RAB27B: variants seen among roughly 807,000 people sequenced by gnomAD.
The protein encoded by RAB27B is RAB27B, member RAS oncogene family.
A neutral mutation model predicts 24.6 loss-of-function variants in RAB27B; 15 were observed. That is an observed-to-expected ratio of 0.61 (90% CI 0.41 to 0.94). The LOEUF is 0.94. RAB27B is among the 40% of genes least tolerant of loss of function. The pLI, the probability that RAB27B is intolerant of heterozygous loss-of-function variation, is 0.00. For missense variants in RAB27B, 261 were observed against 266.8 expected, an observed-to-expected ratio of 0.98 and a Z score of 0.15; for synonymous variants, 105 against 92.5, an observed-to-expected ratio of 1.14 and a Z score of -0.78.
At chr18:54,772,220 G>A (rs1004123151) in intron 2 of RAB27B, among the ~76,000 whole-genome samples, 15 of 152,316 alleles carry the variant, frequency 9.8e-5, no homozygotes, top group African/African-American at 3.4e-4. Flanking sequence ...TGCCTGATGA[G>A]GTTTAGCCAA....
rs1599001748 is a variant in RAB27B, at chr18:54,890,581, T to C, written c.*1168T>C. On this transcript the variant is annotated 3_prime_UTR_variant, in exon 6 of 6. Transcript: ENST00000262094. ...GCAGAAATGCAGGTGTGTTACTTTG[T>C]TGATCAATAACTTTGGAACAATTAT... 6.6e-6 allele frequency: 1 copy of C among 152,190 alleles called. No homozygotes were observed. 9.4% of individuals were successfully genotyped at this position (152,190 alleles called of 1,614,324 possible).
In RAB27B at chr18:54,877,665, A is replaced by G. The variant is rs187131898; in HGVS notation, c.80A>G (p.Tyr27Cys). The stretch of plus-strand genomic sequence containing the variant: ...GGGGTGGGGAAGACAACATTTCTTT[A>G]TAGATACACAGATAATAAATTCAAT... ...DSGVGKTTFLYRYTDNKFNPK... is the reference protein window; with the variant it reads ...DSGVGKTTFLCRYTDNKFNPK... The change falls in exon 2 of 6, where the codon TAT becomes TGT. Residue 27 changes from tyrosine (Y) to cysteine (C), a missense_variant. Tyr to Cys is a radical substitution (Grantham distance 194, BLOSUM62 -2). Transcript: ENST00000262094. 1.9e-6 allele frequency: 3 copies of G among 1,597,232 alleles called. No individual in the cohort carries two copies.
intron 2 of RAB27B, among the ~76,000 whole-genome samples, chr18:54,731,498 A>T (rs959714390): frequency 6.6e-6 from 1 of 152,212 alleles, no homozygotes; most frequent in African/African-American, 2.4e-5. Context: ...AGGCGGGCAG[A>T]TCACCTGAGG....
intron 2 of RAB27B, among the ~76,000 whole-genome samples, chr18:54,782,338 G>A (rs575113616): frequency 6.6e-6 from 1 of 152,162 alleles, no homozygotes; most frequent in African/African-American, 2.4e-5. Context: ...CACAGACTTG[G>A]AAAATTTAAT....
At chr18:54,852,693 ATATAAT>A (rs1205914910) in intron 1 of RAB27B, among the ~76,000 whole-genome samples, 2 of 152,184 alleles carry the variant, frequency 1.3e-5, no homozygotes, top group Non-Finnish European at 2.9e-5. Context: ...AGTTGAAAGG[ATATAAT>A]TATAAGTTGT....
chr18:54,729,014 A>G (rs944763562), intron 2 of RAB27B, among the ~76,000 whole-genome samples: 1 of 147,700 alleles, frequency 6.8e-6, no homozygotes, highest in Non-Finnish European at 1.5e-5. Flanking sequence ...AACATGGGCT[A>G]TTTTTCACCT....
chr18:54,759,135 G>T (rs1439821625), intron 2 of RAB27B, among the ~76,000 whole-genome samples: 1 of 152,118 alleles, frequency 6.6e-6, no homozygotes, highest in East Asian at 1.9e-4. Flanking sequence ...AATACAGCCT[G>T]CAAAGTGGAA....
At chr18:54,777,660 CTG>C (rs1245863964) in intron 2 of RAB27B, among the ~76,000 whole-genome samples, 16 of 152,318 alleles carry the variant, frequency 1.1e-4, no homozygotes, top group African/African-American at 3.6e-4. Context: ...TTTAGGGTGA[CTG>C]TATTTAACAT....
chr18:54,766,784 G>A (rs1908376479), intron 2 of RAB27B, among the ~76,000 whole-genome samples: 1 of 152,168 alleles, frequency 6.6e-6, no homozygotes, highest in South Asian at 2.1e-4. Context: ...AACTCAGGTT[G>A]TTAGTTGTGA....
chr18:54,774,444 T>C (rs1235890833), intron 2 of RAB27B, among the ~76,000 whole-genome samples: 1 of 152,188 alleles, frequency 6.6e-6, no homozygotes. Context: ...CTGACTCAGG[T>C]TACATGGTTT....
intron 2 of RAB27B, among the ~76,000 whole-genome samples, chr18:54,816,140 ACTG>A (rs1910113946): frequency 1.3e-5 from 2 of 152,236 alleles, no homozygotes; most frequent in African/African-American, 4.8e-5. Flanking sequence ...TTCTGGAGTT[ACTG>A]TGAAATGTAG....
chr18:54,815,480 G>C (rs1229855032), intron 2 of RAB27B, among the ~76,000 whole-genome samples: 1 of 152,176 alleles, frequency 6.6e-6, no homozygotes, highest in African/African-American at 2.4e-5. Flanking sequence ...ACTCCTGGGA[G>C]ATACAGTCTC....
intron 4 of RAB27B, among the ~76,000 whole-genome samples, chr18:54,886,484 ACT>A (rs1445589190): frequency 6.6e-6 from 1 of 151,148 alleles, no homozygotes; most frequent in East Asian, 1.9e-4. Flanking sequence ...ATATAGAACC[ACT>A]CTCGGTGTGG....
intron 3 of RAB27B, among the ~76,000 whole-genome samples, chr18:54,883,976 T>C (rs1210348258): frequency 2.0e-5 from 3 of 152,122 alleles, no homozygotes; most frequent in Admixed American, 6.6e-5. Context: ...ATGGAAAGTA[T>C]AGGTTAAAGT....
chr18:54,793,350 A>C (rs1909313563), intron 2 of RAB27B, among the ~76,000 whole-genome samples: 1 of 152,130 alleles, frequency 6.6e-6, no homozygotes, highest in African/African-American at 2.4e-5. Flanking sequence ...ACACCTTCTC[A>C]TTTCCTCCTC....
chr18:54,804,904 C>CTCTCTTTCCTTCTTTCTT (rs1555658012), intron 2 of RAB27B, among the ~76,000 whole-genome samples: 5 of 47,972 alleles, frequency 1.0e-4, no homozygotes, highest in African/African-American at 2.5e-4. Context: ...CTTTCTCTCT[C>CTCTCTTTCCTTCTTTCTT]TCTTTCTTTC....
chr18:54,808,363 C>T (rs1469221394), intron 2 of RAB27B, among the ~76,000 whole-genome samples: 2 of 152,154 alleles, frequency 1.3e-5, no homozygotes, highest in Non-Finnish European at 2.9e-5. Context: ...CACTGTGCAC[C>T]AACTCATAAA....
chr18:54,779,039 C>T (rs1410229560), intron 2 of RAB27B, among the ~76,000 whole-genome samples: 1 of 152,050 alleles, frequency 6.6e-6, no homozygotes, highest in African/African-American at 2.4e-5. Context: ...AGAGTTTCAC[C>T]ATGTTGGCCA....
chr18:54,769,456 TG>T (rs774823367), intron 2 of RAB27B, among the ~76,000 whole-genome samples: 76,458 of 148,114 alleles, frequency 0.52, 20,816 homozygotes, highest in Middle Eastern at 0.62. Flanking sequence ...CTTGTTTTTT[TG>T]TTGTTGTTGT....
Sources: allele counts gnomAD v4.1 joint callset (sites outside exome capture counted in the v4.1 genomes callset), GRCh38; gene constraint gnomAD v4.1.1; transcripts MANE v1.5; gene names NCBI Gene and HGNC (gene_info 2026-07-23, HGNC 2026-07-21).